Variants in STK31 observed in about 807,000 individuals in gnomAD.
STK31 encodes serine/threonine kinase 31.
Under a neutral mutation model 129.7 loss-of-function variants are expected in STK31, and 89 were observed. That is an observed-to-expected ratio of 0.69 (90% CI 0.58 to 0.82). The LOEUF (loss-of-function observed/expected upper bound fraction) is 0.82, where lower values mean the gene tolerates loss of function less well. Ranked by LOEUF, STK31 falls within the 40% of genes least tolerant of loss-of-function variation. The probability of loss-of-function intolerance (pLI) is 0.00; values close to 1 mark genes in which losing one functional copy is unlikely to be tolerated. For missense variants in STK31, 1,187 were observed against 1,176.4 expected (o/e 1.01, Z -0.13); for synonymous variants, 448 against 395.3 (o/e 1.13, Z -1.58).
chr7:23,823,149 C>A (rs1793894918), intron 23 of STK31, among the ~76,000 whole-genome samples: 1 of 152,172 alleles, frequency 6.6e-6, no homozygotes. Context: ...ATTTCTAGTT[C>A]TAGATCCCTG....
chr7:23,761,159 C>CTTTA (rs769689091), intron 10 of STK31, among the ~76,000 whole-genome samples: 5 of 152,114 alleles, frequency 3.3e-5, no homozygotes, highest in Non-Finnish European at 7.3e-5. Flanking sequence ...CAGGATGGAG[C>CTTTA]TTTAGCACTT....
chr7:23,737,871 GTGTGTGTGTGTGTGTGTGTGTGTA>G (rs1438421112), intron 8 of STK31, among the ~76,000 whole-genome samples: 2 of 147,368 alleles, frequency 1.4e-5, no homozygotes, highest in Admixed American at 6.7e-5. Context: ...GTGTGTGTGT[GTGTGTGTGTGTGTGTGTGTGTGTA>G]TGTGTGTTTA....
chr7:23,824,489 A>G (rs976818089), intron 23 of STK31, among the ~76,000 whole-genome samples: 27 of 152,130 alleles, frequency 1.8e-4, no homozygotes, highest in African/African-American at 6.3e-4. Flanking sequence ...CAGCTTAAGG[A>G]GATTTTGGGC....
At chr7:23,810,669 ATATATATAAAATAGATAT>A (rs1314245994) in intron 22 of STK31, among the ~76,000 whole-genome samples, 10 of 131,760 alleles carry the variant, frequency 7.6e-5, no homozygotes, top group African/African-American at 2.3e-4. Flanking sequence ...AAAATATATA[ATATATATAAAATAGATAT>A]TATATATAAA....
At chr7:23,746,736 G>A (rs1193355704) in intron 8 of STK31, among the ~76,000 whole-genome samples, 8 of 152,110 alleles carry the variant, frequency 5.3e-5, no homozygotes, top group Admixed American at 3.3e-4. Context: ...TGAGTAGGCT[G>A]AGGAGGAAGA....
At chr7:23,805,185 C>T (rs1792626543) in intron 22 of STK31, among the ~76,000 whole-genome samples, 1 of 151,984 alleles carries the variant, frequency 6.6e-6, no homozygotes, top group South Asian at 2.1e-4. Context: ...AAGCGATTCT[C>T]CTGTCTCAGC....
intron 22 of STK31, among the ~76,000 whole-genome samples, chr7:23,807,913 T>C (rs1268354398): frequency 1.3e-5 from 2 of 151,984 alleles, no homozygotes; most frequent in African/African-American, 4.8e-5. Context: ...TTCTGTCTTC[T>C]GTTTCTTTGC....
In STK31 at chr7:23,735,801, G is replaced by C; in HGVS notation, c.747G>C (p.Gln249His). The part of the protein sequence containing the change: ...PIPLWGHRSN[Q>H]STFSRPKGHL... The stretch of plus-strand genomic sequence containing the variant: ...CTTTGTGGGGGCATAGATCAAACCA[G>C]TCAACCTTCAGCAGGCCCAAGGGGC... The change falls in exon 7 of 24, where the codon CAG (glutamine) becomes CAC (histidine). Residue 249 changes from glutamine to histidine, a missense_variant. By Grantham distance (24) the Gln-to-His change is conservative. Transcript: ENST00000355870. 6.2e-7 allele frequency: 1 copy of C among 1,614,140 alleles called. No homozygotes were observed. The highest frequency in any genetic ancestry group is 8.5e-7 in the Non-Finnish European group (1 of 1,180,016).
intron 11 of STK31, among the ~76,000 whole-genome samples, chr7:23,767,000 G>A (rs1040398117): frequency 6.6e-6 from 1 of 152,074 alleles, no homozygotes; most frequent in Non-Finnish European, 1.5e-5. Flanking sequence ...TGTCCCTTCT[G>A]CCATTTAGCC....
At chr7:23,794,302 T>C (rs1791819231) in intron 22 of STK31, among the ~76,000 whole-genome samples, 1 of 152,238 alleles carries the variant, frequency 6.6e-6, no homozygotes, top group African/African-American at 2.4e-5. Context: ...TTTTCCCTTT[T>C]GCTTGGCACT....
At chr7:23,804,015 TGAG>T (rs1321125960) in intron 22 of STK31, among the ~76,000 whole-genome samples, 1 of 152,196 alleles carries the variant, frequency 6.6e-6, no homozygotes, top group Admixed American at 6.5e-5. Context: ...CTGTGTGTGT[TGAG>T]GAGTACTGCT....
chr7:23,810,591 T>TC (rs1793023501), intron 22 of STK31, among the ~76,000 whole-genome samples: 1 of 131,928 alleles, frequency 7.6e-6, no homozygotes, highest in African/African-American at 2.9e-5. Context: ...ATTTTAAGAG[T>TC]CCATCTTTTT....
chr7:23,807,727 G>T (rs549852360), intron 22 of STK31, among the ~76,000 whole-genome samples: 1 of 151,748 alleles, frequency 6.6e-6, no homozygotes, highest in East Asian at 1.9e-4. Flanking sequence ...GTTTATCAGG[G>T]TGTTTTTTTT....
At chr7:23,740,646 T>TC (rs145358859) in intron 8 of STK31, among the ~76,000 whole-genome samples, 25,781 of 151,866 alleles carry the variant, frequency 0.17, 2,342 homozygotes, top group East Asian at 0.22. Context: ...CCTTCACCAC[T>TC]CCCCCCACCC....
rs377146146 is a variant in STK31 at position 23,805,437 on chromosome 7, A to G, written c.2761-9707A>G. 1.6e-4 allele frequency among the ~76,000 whole-genome samples: 24 copies of G among 152,036 alleles called. No homozygotes were observed. The East Asian group carries it at 3.9e-3, about 25-fold the overall frequency. ...TCAATAACTTTTTTAAAGGCATTAC[A>G]TTTTATTTCTTTAACAGAGTGTGAC... On this transcript the variant is annotated intron_variant, in intron 22 of 23. Coordinates refer to ENST00000355870, the MANE Select transcript of STK31 (RefSeq NM_031414.5).
intron 11 of STK31, among the ~76,000 whole-genome samples, chr7:23,764,078 G>A (rs568120687): frequency 2.6e-5 from 4 of 152,268 alleles, no homozygotes; most frequent in South Asian, 2.1e-4. Context: ...TGCACCACAT[G>A]GCTTAAGAAC....
At chr7:23,779,844 A>G (rs752907671) in intron 15 of STK31, among the ~76,000 whole-genome samples, 5 of 152,016 alleles carry the variant, frequency 3.3e-5, no homozygotes, top group Non-Finnish European at 7.4e-5. Flanking sequence ...AGGGGAGTCA[A>G]CGGTTCTGTC....
intron 23 of STK31, among the ~76,000 whole-genome samples, chr7:23,824,672 T>G (rs1794007139): frequency 1.3e-5 from 2 of 152,240 alleles, no homozygotes; most frequent in Admixed American, 6.5e-5. Flanking sequence ...CCCTGTCTTG[T>G]GCCAGTTTTC....
chr7:23,738,367 A>G (rs1047263097), intron 8 of STK31, among the ~76,000 whole-genome samples: 2 of 148,346 alleles, frequency 1.3e-5, no homozygotes, highest in Admixed American at 6.8e-5. Context: ...TCTCATTCAG[A>G]GTATTTTGGT....
Sources: allele counts gnomAD v4.1 joint callset (sites outside exome capture counted in the v4.1 genomes callset), GRCh38; gene constraint gnomAD v4.1.1; transcripts MANE v1.5; gene names NCBI Gene and HGNC (gene_info 2026-07-23, HGNC 2026-07-21).